Variants in EVPLL observed in about 807,000 individuals in gnomAD.
The protein encoded by EVPLL is envoplakin like.
A neutral mutation model predicts 46.2 loss-of-function variants in EVPLL; 39 were observed. The ratio of observed to expected loss-of-function variants is 0.84; its 90% CI spans 0.65 to 1.10. The LOEUF is 1.10. Ranked by LOEUF, EVPLL falls within the 50% of genes least tolerant of loss-of-function variation. The pLI, the probability that EVPLL is intolerant of heterozygous loss-of-function variation, is 0.00. For missense variants in EVPLL, 385 were observed against 412.6 expected, an observed-to-expected ratio of 0.93 and a Z score of 0.58; for synonymous variants, 156 against 165.8, an observed-to-expected ratio of 0.94 and a Z score of 0.46.
chr17:18,378,872 G>A (rs1248513743), intron 1 of EVPLL, among the ~76,000 whole-genome samples: 1 of 151,680 alleles, frequency 6.6e-6, no homozygotes, highest in Non-Finnish European at 1.5e-5. Context: ...GAGCCCAGGA[G>A]TTGGAGACCA....
chr17:18,380,708 G>A (rs1700660917), intron 1 of EVPLL, 194 bp from the exon 2 acceptor site: 1 of 567,834 alleles, frequency 1.8e-6, no homozygotes, highest in Non-Finnish European at 3.2e-6. Flanking sequence ...GACCCCTCAT[G>A]TGGCGGGGCA....
rs1987881086 is a variant in EVPLL, at chr17:18,389,593, T to C, written c.*777T>C. ...CTTCTGCCCTAGAATTTATTCATAC[T>C]GTTAAATTACCAGTTTATGCAAATG... On this transcript the variant is annotated 3_prime_UTR_variant, in exon 11 of 11. Transcript: ENST00000399134. 1 of 107,812 alleles carries C rather than the reference T, an allele frequency of 9.3e-6. No individual in the cohort carries two copies. The highest frequency in any genetic ancestry group is 3.9e-5 in the African/African-American group (1 of 25,698). The allele number at this position is 107,812 out of a possible 1,614,324, so 6.7% of individuals were successfully genotyped here.
intron 4 of EVPLL, 25 bp from the exon 5 acceptor site, chr17:18,382,488 G>T: frequency 6.4e-7 from 1 of 1,551,174 alleles, no homozygotes; most frequent in South Asian, 1.2e-5. Flanking sequence ...GTCCTGTGGT[G>T]ACTGAGCCGC....
chr17:18,386,123 G>T (rs1598099836), intron 9 of EVPLL, among the ~76,000 whole-genome samples: 1 of 152,122 alleles, frequency 6.6e-6, no homozygotes, highest in East Asian at 1.9e-4. Context: ...CAAGGTGTCG[G>T]CAGGGAAAGT....
In EVPLL at chr17:18,377,984, G is replaced by T; in HGVS notation, c.-37+1G>T. ...AAGGCTCCCCCAGCAAGCACAGCTG[G>T]TGAGTGGGACTAGGGGATGGGGAGC... On this transcript the variant is annotated splice_donor_variant, in intron 1 of 10. Coordinates refer to ENST00000399134, the MANE Select transcript of EVPLL (RefSeq NM_001145127.2). LOFTEE classifies it low-confidence loss of function (5UTR_SPLICE). 1.1e-6 allele frequency: 1 copy of T among 887,040 alleles called. No individual in the cohort carries two copies. The highest frequency in any genetic ancestry group is 1.6e-6 in the Non-Finnish European group (1 of 615,652). The allele number at this position is 887,040 out of a possible 1,614,324, so 54.9% of individuals were successfully genotyped here.
intron 4 of EVPLL, chr17:18,382,024 T>C (rs1197365219): frequency 4.3e-6 from 2 of 466,386 alleles, no homozygotes; most frequent in Non-Finnish European, 7.8e-6. Context: ...TAGGATTCGA[T>C]GGGAAGTGGG....
chr17:18,383,770 C>T (rs1987682402), intron 9 of EVPLL, 183 bp downstream of exon 9: 6 of 600,060 alleles, frequency 1.0e-5, no homozygotes, highest in South Asian at 8.0e-5. Flanking sequence ...GTCAGGAGTT[C>T]GAGATCAGCC....
intron 9 of EVPLL, among the ~76,000 whole-genome samples, chr17:18,385,876 C>T (rs1037820807): frequency 2.0e-5 from 3 of 152,186 alleles, no homozygotes; most frequent in Non-Finnish European, 2.9e-5. Context: ...TGCACCCCGC[C>T]GTCCCCACCC....
At position 18,380,961 on chromosome 17, in the gene EVPLL, G is replaced by A. The variant is rs777338525; in HGVS notation, c.24G>A (p.Val8=). 24 of 1,597,228 alleles carry A rather than the reference G, an allele frequency of 1.5e-5. No individual in the cohort carries two copies. The highest frequency in any genetic ancestry group is 5.4e-5 in the African/African-American group (4 of 74,494). MQASADQ[V]ERDILETQKR... The stretch of plus-strand genomic sequence containing the variant: ...ACATGCAAGCCAGCGCCGACCAGGT[G>A]GAGCGGGACATCCTGGAGACGCAGA... Residue 8 remains valine, a synonymous_variant, in exon 2 of 11, where the codon GTG becomes GTA. Coordinates refer to ENST00000399134, the MANE Select transcript of EVPLL (RefSeq NM_001145127.2).
At chr17:18,380,736 C>T in intron 1 of EVPLL, 166 bp from the exon 2 acceptor site, 1 of 619,326 alleles carries the variant, frequency 1.6e-6, no homozygotes, top group East Asian at 2.8e-5. Context: ...CACCCCCAAC[C>T]AGGTCTAGCT....
rs1380242818 is a variant in EVPLL at position 18,380,868 on chromosome 17, A to G, written c.-36-34A>G. 6 of 1,532,744 alleles carry G rather than the reference A, an allele frequency of 3.9e-6. No individual in the cohort carries two copies. In the East Asian group the frequency reaches 1.2e-4, roughly 31 times the overall value. 94.9% of individuals were successfully genotyped at this position (1,532,744 alleles called of 1,614,324 possible). The stretch of plus-strand genomic sequence containing the variant: ...GATGGGGCACAGAGGGGCCTCTTCC[A>G]CCGAGCTGCCCACTGTCCCCTCCAC... On this transcript the variant is annotated intron_variant, in intron 1 of 10. Coordinates refer to ENST00000399134, the MANE Select transcript of EVPLL (RefSeq NM_001145127.2).
chr17:18,378,800 T>A (rs943491445), intron 1 of EVPLL, among the ~76,000 whole-genome samples: 6 of 147,662 alleles, frequency 4.1e-5, no homozygotes, highest in African/African-American at 1.5e-4. Context: ...AAAAAAATCC[T>A]GGTGCAATAC....
Position 18,388,423 on chromosome 17 carries a change from G to A in EVPLL, c.*40+135G>A, listed in dbSNP as rs1402832883. ...GCCTCTGTGCTGTGTCTCTGGATCT[G>A]GCCTCCATGGGAAGGACCCTGGGAG... On this transcript the variant is annotated intron_variant, in intron 10 of 10. Coordinates refer to ENST00000399134, the MANE Select transcript of EVPLL (RefSeq NM_001145127.2). 5 of 599,100 alleles carry A rather than the reference G, an allele frequency of 8.3e-6. No individual in the cohort carries two copies. The East Asian group carries it at 1.4e-4, about 17-fold the overall frequency. 37.1% of individuals were successfully genotyped at this position (599,100 alleles called of 1,614,324 possible).
At chr17:18,388,163 A>G (rs1477341720) in intron 9 of EVPLL, 56 bp from the exon 10 acceptor site, 3 of 1,126,862 alleles carry the variant, frequency 2.7e-6, no homozygotes, top group Non-Finnish European at 3.9e-6. Flanking sequence ...GACCCTTACA[A>G]CGTTACACTC....
chr17:18,382,536 T>C lies in EVPLL; in HGVS notation c.370T>C (p.Trp124Arg), dbSNP rs1041301653. Reference sequence around the variant, plus strand: ...AGAAGCTGGTCTGCGCAGGCCAGTATGGGCCGGGCATGGCGGAGCTGGAGG... The same window carrying C: ...AGAAGCTGGTCTGCGCAGGCCAGTACGGGCCGGGCATGGCGGAGCTGGAGG... ...ETEAGLRRPV[W>R]AGHGGAGGTD... is the part of the protein sequence containing the mutation. Residue 124 changes from tryptophan to arginine, a missense_variant, in exon 5 of 11, where the codon TGG becomes CGG. By Grantham distance (101) the Trp-to-Arg change is moderately radical. Coordinates refer to ENST00000399134, the MANE Select transcript of EVPLL (RefSeq NM_001145127.2). The C allele has an allele frequency of 1.9e-6, 3 of 1,551,716 alleles. No homozygotes were observed. Among genetic ancestry groups the C allele is most frequent in the Non-Finnish European group, 1.7e-6 (2 of 1,147,008 alleles).
rs1266239488 is a variant in EVPLL at position 18,380,720 on chromosome 17, T to A, written c.-36-182T>A. On this transcript the variant is annotated intron_variant, in intron 1 of 10. Coordinates refer to ENST00000399134, the MANE Select transcript of EVPLL (RefSeq NM_001145127.2). ...TTTGACCCCTCATGTGGCGGGGCAG[T>A]GCTAACACCCCCAACCAGGTCTAGC... The A allele has an allele frequency of 6.8e-6, 4 of 590,662 alleles. No individual in the cohort carries two copies. The East Asian group carries it at 1.1e-4, about 17-fold the overall frequency. The allele number at this position is 590,662 out of a possible 1,614,324, so 36.6% of individuals were successfully genotyped here.
At position 18,381,263 on chromosome 17, in the gene EVPLL, C is replaced by A. The variant is rs1296263916; in HGVS notation, c.64-104C>A. The A allele has an allele frequency of 6.9e-7, 1 of 1,450,790 alleles. No individual in the cohort carries two copies. The highest frequency in any genetic ancestry group is 1.4e-5 in the African/African-American group (1 of 70,304). The allele number at this position is 1,450,790 out of a possible 1,614,324, so 89.9% of individuals were successfully genotyped here. ...GCCTGGCGTGGGCCTCGAGGTTGGC[C>A]AGCATAGCTGGGGTCCCAAAGGTGG... is the stretch of plus-strand genomic sequence containing the variant. On this transcript the variant is annotated intron_variant, in intron 2 of 10. Transcript: ENST00000399134. This position sits in a 1 kb window ranked among gnomAD's most constrained non-coding sequence, Gnocchi z 4.2.
intron 1 of EVPLL, 49 bp from the exon 2 acceptor site, chr17:18,380,853 A>G: frequency 6.7e-7 from 1 of 1,487,234 alleles, no homozygotes; most frequent in Non-Finnish European, 9.2e-7. Context: ...GATGGGGCAC[A>G]GAGGGGCCTC....
At chr17:18,383,735 G>T in intron 9 of EVPLL, 148 bp downstream of exon 9, 1 of 685,588 alleles carries the variant, frequency 1.5e-6, no homozygotes, top group Non-Finnish European at 2.5e-6. Flanking sequence ...CACTTTGGGA[G>T]GCTGAGGCTG....
Sources: allele counts gnomAD v4.1 joint callset (sites outside exome capture counted in the v4.1 genomes callset), GRCh38; gene constraint gnomAD v4.1.1; non-coding constraint Gnocchi (gnomAD v3.1); transcripts MANE v1.5; gene names NCBI Gene and HGNC (gene_info 2026-07-23, HGNC 2026-07-21).